Variants in KDM4C observed in about 807,000 individuals in gnomAD.
KDM4C encodes the protein lysine demethylase 4C, also known as lysine-specific demethylase 4C.
In KDM4C, 81 loss-of-function variants were observed where a neutral mutation model predicts 129.3. The ratio of observed to expected loss-of-function variants is 0.63; its 90% confidence interval spans 0.52 to 0.75. The LOEUF (loss-of-function observed/expected upper bound fraction) is 0.75, where lower values mean the gene tolerates loss of function less well. Among genes scored for constraint, KDM4C ranks in the 30% least tolerant of loss-of-function variants. The pLI is 0.00. For synonymous variants in KDM4C, 573 were observed against 456.1 expected (o/e 1.26, Z -3.26); for missense variants, 1,457 against 1,304.0 (o/e 1.12, Z -1.81).
At chr9:6,933,145 A>G (rs1009547245) in intron 8 of KDM4C, among the ~76,000 whole-genome samples, 2 of 152,242 alleles carry the variant, frequency 1.3e-5, no homozygotes, top group African/African-American at 4.8e-5. Context: ...AAAATAGACT[A>G]TAGCATAAAT....
At chr9:6,894,757 G>A (rs1234539382) in intron 8 of KDM4C, among the ~76,000 whole-genome samples, 1 of 152,220 alleles carries the variant, frequency 6.6e-6, no homozygotes, top group Admixed American at 6.5e-5. Context: ...GCTCCTCTCT[G>A]AAATCCCAGC....
intron 4 of KDM4C, among the ~76,000 whole-genome samples, chr9:6,824,884 C>T (rs1215606677): frequency 6.6e-6 from 1 of 151,922 alleles, no homozygotes; most frequent in Non-Finnish European, 1.5e-5. Context: ...TGGCTCACAC[C>T]CATAATCCCA....
intron 9 of KDM4C, 32 bp downstream of exon 9, chr9:6,981,150 G>C (rs1310525456): frequency 6.5e-7 from 1 of 1,550,180 alleles, no homozygotes; most frequent in East Asian, 2.3e-5. Flanking sequence ...GACCTGCCTT[G>C]CCTGTCGTGT....
intron 7 of KDM4C, among the ~76,000 whole-genome samples, chr9:6,888,407 C>A (rs949893952): frequency 2.0e-5 from 3 of 152,036 alleles, no homozygotes; most frequent in African/African-American, 7.2e-5. Flanking sequence ...AATTTCAGAG[C>A]AATTATTAGC....
intron 1 of KDM4C, among the ~76,000 whole-genome samples, chr9:6,721,863 C>T (rs1228777044): frequency 6.6e-6 from 1 of 152,090 alleles, no homozygotes; most frequent in Non-Finnish European, 1.5e-5. Context: ...GCTGGGATTA[C>T]AGGCTTGAGC....
At chr9:7,031,620 C>T (rs1170664077) in intron 15 of KDM4C, among the ~76,000 whole-genome samples, 1 of 151,916 alleles carries the variant, frequency 6.6e-6, no homozygotes, top group East Asian at 1.9e-4. Flanking sequence ...TACATATATA[C>T]ACACACAGAT....
At chr9:6,724,388 T>G (rs1817056419) in intron 1 of KDM4C, among the ~76,000 whole-genome samples, 1 of 152,248 alleles carries the variant, frequency 6.6e-6, no homozygotes, top group African/African-American at 2.4e-5. Context: ...TCAGCAGGTA[T>G]TGTTATATTC....
At chr9:6,866,488 C>T (rs1165303722) in intron 5 of KDM4C, among the ~76,000 whole-genome samples, 4 of 152,128 alleles carry the variant, frequency 2.6e-5, no homozygotes, top group African/African-American at 2.4e-5. Flanking sequence ...CACTGCTGAG[C>T]TGCCACTCTG....
At position 6,984,221 on chromosome 9, in the gene KDM4C, G is replaced by T; in HGVS notation, c.1171G>T (p.Val391Leu). 1 of 1,613,918 alleles carries T rather than the reference G, an allele frequency of 6.2e-7. No individual in the cohort carries two copies. ...GCCTAAGGCTGATGAGGAAGAGGAA[G>T]TGTCAGATGAAGTCGATGGGGCAGA... ...KRPKADEEEE[V>L]SDEVDGAEVP... Residue 391 changes from valine to leucine, a missense_variant, in exon 10 of 22, where the codon GTG becomes TTG. Val to Leu is a conservative substitution (Grantham distance 32, BLOSUM62 1). Coordinates refer to ENST00000381309, the MANE Select transcript of KDM4C (RefSeq NM_015061.6).
intron 15 of KDM4C, among the ~76,000 whole-genome samples, chr9:7,030,236 T>C (rs2132349645): frequency 6.6e-6 from 1 of 152,340 alleles, no homozygotes; most frequent in South Asian, 2.1e-4. Flanking sequence ...ATTGCATTTT[T>C]TAACCTAGAG....
chr9:6,909,918 C>T (rs887946554), intron 8 of KDM4C, among the ~76,000 whole-genome samples: 1 of 152,082 alleles, frequency 6.6e-6, no homozygotes, highest in Non-Finnish European at 1.5e-5. Context: ...GAAGATTTCA[C>T]GTATATCTTT....
chr9:6,760,547 TTTA>T (rs1390767009), intron 1 of KDM4C, among the ~76,000 whole-genome samples: 5 of 85,084 alleles, frequency 5.9e-5, no homozygotes, highest in Non-Finnish European at 1.0e-4. Flanking sequence ...CTCTTTTTTA[TTTA>T]TTTATTTATT....
At chr9:6,749,089 G>T (rs983667864) in intron 1 of KDM4C, 16 of 459,858 alleles carry the variant, frequency 3.5e-5, no homozygotes, top group Non-Finnish European at 6.3e-5. Flanking sequence ...GCGCGATCTC[G>T]CCTTCCTGCA....
At chr9:6,749,817 T>TC (rs889482649) in intron 1 of KDM4C, among the ~76,000 whole-genome samples, 1 of 150,418 alleles carries the variant, frequency 6.6e-6, no homozygotes, top group Non-Finnish European at 1.5e-5. Context: ...TGAAACCCTG[T>TC]CTGTACTGAA....
intron 1 of KDM4C, among the ~76,000 whole-genome samples, chr9:6,742,237 A>T (rs942806385): frequency 3.3e-5 from 5 of 150,456 alleles, no homozygotes; most frequent in Non-Finnish European, 5.9e-5. Context: ...GCTGGTCTCG[A>T]ACTCCTGACC....
At chr9:7,061,220 GGT>G (rs1360839171) in intron 17 of KDM4C, among the ~76,000 whole-genome samples, 1 of 152,102 alleles carries the variant, frequency 6.6e-6, no homozygotes, top group Non-Finnish European at 1.5e-5. Flanking sequence ...GGTAATTGAG[GGT>G]TTATGTTATT....
intron 3 of KDM4C, among the ~76,000 whole-genome samples, chr9:6,812,543 C>T (rs1348472954): frequency 2.0e-5 from 3 of 152,144 alleles, no homozygotes; most frequent in African/African-American, 4.8e-5. Flanking sequence ...AAGGAGTGTG[C>T]AACCTAGACC....
intron 8 of KDM4C, among the ~76,000 whole-genome samples, chr9:6,955,421 T>C (rs1356524959): frequency 2.6e-5 from 4 of 152,222 alleles, no homozygotes; most frequent in Non-Finnish European, 5.9e-5. Flanking sequence ...TGCAGTGCAG[T>C]GGACCATGAC....
At chr9:6,912,653 T>G (rs749771213) in intron 8 of KDM4C, among the ~76,000 whole-genome samples, 5 of 152,158 alleles carry the variant, frequency 3.3e-5, no homozygotes, top group Non-Finnish European at 7.4e-5. Context: ...ATTTGCAGCT[T>G]TAACTAATTT....
Sources: gnomAD v4.1 joint callset for allele counts (sites outside exome capture counted in the v4.1 genomes callset) on GRCh38, gnomAD v4.1.1 for gene constraint, MANE v1.5 for transcripts, NCBI Gene and HGNC (gene_info 2026-07-23, HGNC 2026-07-21) for gene names.